The following CREB3L2 variants were observed in gnomAD, a reference collection of about 807,000 sequenced individuals.
CREB3L2 encodes cyclic AMP-responsive element-binding protein 3-like protein 2.
CREB3L2 carries 23 observed loss-of-function variants against 57.2 expected under a neutral mutation model. That is an observed-to-expected ratio of 0.40 (90% CI 0.29 to 0.57). The LOEUF is 0.57. Ranked by LOEUF, CREB3L2 falls within the 20% of genes least tolerant of loss-of-function variation. The pLI is 0.42. For synonymous variants in CREB3L2, 268 were observed against 265.1 expected (o/e 1.01, Z -0.11); for missense variants, 628 against 634.7 (o/e 0.99, Z 0.11).
At chr7:137,937,710 G>A (rs978724798) in intron 1 of CREB3L2, among the ~76,000 whole-genome samples, 1 of 151,950 alleles carries the variant, frequency 6.6e-6, no homozygotes, top group Non-Finnish European at 1.5e-5. Context: ...CCAGAGTTTT[G>A]GAGATTTGTG....
rs756603291 is a variant in CREB3L2 at position 137,890,445 on chromosome 7, A to G, written c.1044-4943T>C. ...AGAATTGCTAAGCTGATGCATATAT[A>G]TATCAGGAGGATTGGCTCTAAAGGC... On this transcript the variant is annotated intron_variant, in intron 8 of 11. Coordinates refer to ENST00000330387, the MANE Select transcript of CREB3L2 (RefSeq NM_194071.4). Among the ~76,000 whole-genome samples, 157 of 152,348 alleles carry G rather than the reference A, an allele frequency of 1.0e-3. 1 individual carries two copies. Among genetic ancestry groups the G allele is most frequent in the Non-Finnish European group, 3.4e-4 (23 of 68,034 alleles).
Position 137,922,475 on chromosome 7 carries a change from C to CAT in CREB3L2, c.319+5673_319+5674dup, listed in dbSNP as rs1244793488. 6.4e-4 allele frequency: 85 copies of CAT among 132,166 alleles called. 1 individual carries two copies. The highest frequency in any genetic ancestry group is 8.7e-4 in the Non-Finnish European group (61 of 69,780). 8.2% of individuals were successfully genotyped at this position (132,166 alleles called of 1,614,324 possible). ...ATATACACACATATATATATACACA[C>CAT]ATATATATATACACACACACACACA... On this transcript the variant is annotated intron_variant, in intron 2 of 11. Transcript: ENST00000330387.
At chr7:137,961,449 G>T (rs1459565379) in intron 1 of CREB3L2, among the ~76,000 whole-genome samples, 3 of 152,112 alleles carry the variant, frequency 2.0e-5, no homozygotes, top group Non-Finnish European at 2.9e-5. Context: ...CCACACCCAG[G>T]CAACCCAAAC....
chr7:137,916,109 G>T, intron 2 of CREB3L2, 97 bp from the exon 3 acceptor site: 1 of 897,940 alleles, frequency 1.1e-6, no homozygotes, highest in Non-Finnish European at 1.7e-6. Flanking sequence ...AAAAAGCTCA[G>T]TGAAGGATGA....
intron 10 of CREB3L2, chr7:137,884,487 A>T (rs1362275927): frequency 1.1e-5 from 2 of 186,310 alleles, no homozygotes; most frequent in Admixed American, 1.1e-4. Context: ...TGACCTCGTG[A>T]TCTGCCCGCC....
rs1363084037 is a variant in CREB3L2, at chr7:137,875,044, TA to T, written c.*5431del. The T allele has an allele frequency of 8.4e-5, 16 of 190,562 alleles. No individual in the cohort carries two copies. The Admixed American group carries it at 8.6e-4, about 10-fold the overall frequency. 11.8% of individuals were successfully genotyped at this position (190,562 alleles called of 1,614,324 possible). A position where few individuals can be genotyped will look rare whatever the true frequency, so the allele number is the denominator to read the frequency against. ...ATACAAAAGCATAACAATTTCAATT[TA>T]TTTTTTTTTCCCAAACTAAGTACAA... On this transcript the variant is annotated 3_prime_UTR_variant, in exon 12 of 12. Coordinates refer to ENST00000330387, the MANE Select transcript of CREB3L2 (RefSeq NM_194071.4).
chr7:137,899,897 T>C (rs929511624), intron 8 of CREB3L2, among the ~76,000 whole-genome samples: 1 of 151,998 alleles, frequency 6.6e-6, no homozygotes, highest in African/African-American at 2.4e-5. Context: ...TCAAATAACA[T>C]GCAAAGAGAT....
chr7:137,875,935 G>C lies in CREB3L2; in HGVS notation c.*4541C>G, dbSNP rs1799140055. ...ACAAAACAACACCTAGTTTTTTCCTGTGTTAAGTGCTGACCCTTTGACCAC... is the reference window on the plus strand; with the variant it reads ...ACAAAACAACACCTAGTTTTTTCCTCTGTTAAGTGCTGACCCTTTGACCAC... On this transcript the variant is annotated 3_prime_UTR_variant, in exon 12 of 12. Transcript: ENST00000330387. 1 of 226,504 alleles carries C rather than the reference G, an allele frequency of 4.4e-6. No homozygotes were observed. The highest frequency in any genetic ancestry group is 2.2e-5 in the African/African-American group (1 of 44,942). 14.0% of individuals were successfully genotyped at this position (226,504 alleles called of 1,614,324 possible). A position where few individuals can be genotyped will look rare whatever the true frequency, so the allele number is the denominator to read the frequency against.
At chr7:137,945,268 T>C (rs898527949) in intron 1 of CREB3L2, among the ~76,000 whole-genome samples, 8 of 152,242 alleles carry the variant, frequency 5.3e-5, no homozygotes, top group African/African-American at 1.4e-4. Context: ...GACAGCCTTA[T>C]AGCAAAATGT....
intron 2 of CREB3L2, chr7:137,922,461 TATATATATACACAC>T (rs1800347146): frequency 1.1e-5 from 1 of 94,708 alleles, no homozygotes; most frequent in Non-Finnish European, 1.9e-5. Context: ...TATACACACA[TATATATATACACAC>T]ATATATATAT....
At chr7:137,987,012 T>C (rs1076516) in intron 1 of CREB3L2, among the ~76,000 whole-genome samples, 118,153 of 152,230 alleles carry the variant, frequency 0.78, 49,006 homozygotes, top group South Asian at 0.94. Flanking sequence ...GGTTTGGGCC[T>C]TGGCCTCCTC....
intron 4 of CREB3L2, among the ~76,000 whole-genome samples, chr7:137,910,713 G>A (rs976671384): frequency 9.9e-5 from 15 of 152,020 alleles, no homozygotes; most frequent in Non-Finnish European, 5.9e-5. Flanking sequence ...CCGTTCTCCC[G>A]TCCAAGCAGA....
intron 1 of CREB3L2, among the ~76,000 whole-genome samples, chr7:137,937,908 G>C (rs536951481): frequency 5.3e-5 from 8 of 150,594 alleles, no homozygotes; most frequent in African/African-American, 1.9e-4. Flanking sequence ...TGTAAATGAA[G>C]TATGTGAAAT....
chr7:137,903,480 T>C (rs773461793), intron 7 of CREB3L2, among the ~76,000 whole-genome samples: 2 of 150,944 alleles, frequency 1.3e-5, no homozygotes, highest in South Asian at 2.1e-4. Context: ...CCTTCAAGTG[T>C]TTTTGCAAAA....
At chr7:137,909,955 G>A (rs1379745263) in intron 4 of CREB3L2, among the ~76,000 whole-genome samples, 1 of 152,058 alleles carries the variant, frequency 6.6e-6, no homozygotes, top group Non-Finnish European at 1.5e-5. Context: ...TTTCTCTATT[G>A]CCTGACGCCT....
intron 1 of CREB3L2, among the ~76,000 whole-genome samples, chr7:137,985,821 C>G (rs1250397726): frequency 1.3e-5 from 2 of 152,174 alleles, no homozygotes; most frequent in Non-Finnish European, 2.9e-5. Flanking sequence ...TCATGCAAAT[C>G]AATACCAGGC....
At chr7:137,915,623 T>C (rs1209842816) in intron 3 of CREB3L2, among the ~76,000 whole-genome samples, 2 of 152,194 alleles carry the variant, frequency 1.3e-5, no homozygotes, top group Non-Finnish European at 2.9e-5. Context: ...GCTTAGCTAC[T>C]AATTTTTTCC....
chr7:137,879,807 T>A lies in CREB3L2; in HGVS notation c.*669A>T. On this transcript the variant is annotated 3_prime_UTR_variant, in exon 12 of 12. Coordinates refer to ENST00000330387, the MANE Select transcript of CREB3L2 (RefSeq NM_194071.4). The stretch of plus-strand genomic sequence containing the variant: ...ACTATGGATGTGTGGGGAACCAGGT[T>A]GTGGGAGGTCCTAAAAGCGACAAGA... 4.3e-6 allele frequency: 1 copy of A among 235,168 alleles called. No homozygotes were observed. Among genetic ancestry groups the A allele is most frequent in the East Asian group, 6.0e-5 (1 of 16,536 alleles). 14.6% of individuals were successfully genotyped at this position (235,168 alleles called of 1,614,324 possible).
At chr7:137,988,084 T>C (rs929902527) in intron 1 of CREB3L2, among the ~76,000 whole-genome samples, 1 of 152,220 alleles carries the variant, frequency 6.6e-6, no homozygotes, top group Admixed American at 6.5e-5. Context: ...TGAGGCAGAA[T>C]TCTCCTTCCT....
Sources: gnomAD v4.1 joint callset for allele counts (sites outside exome capture counted in the v4.1 genomes callset) on GRCh38, gnomAD v4.1.1 for gene constraint, MANE v1.5 for transcripts, NCBI Gene and HGNC (gene_info 2026-07-23, HGNC 2026-07-21) for gene names.